Variants in C9 observed in about 807,000 individuals in gnomAD.
C9 encodes the protein complement C9.
C9 carries 63 observed loss-of-function variants against 65.4 expected under a neutral mutation model. That is an observed-to-expected ratio of 0.96 (90% CI 0.79 to 1.19). The LOEUF is 1.19. Among genes scored for constraint, C9 ranks in the 50% most tolerant of loss-of-function variants. The pLI is 0.00. For missense variants in C9, 744 were observed against 670.1 expected (o/e 1.11, Z -1.22); for synonymous variants, 229 against 227.9 (o/e 1.00, Z -0.04).
In C9 at chr5:39,311,584, T is replaced by G. The variant is rs186110753; in HGVS notation, c.871-207A>C. On this transcript the variant is annotated intron_variant, in intron 6 of 10. Transcript: ENST00000263408. ...GTGCAGTGACTAAAACTCTCCTACA[T>G]TACTGGTAAAATTAGACAGCCACTT... Among the ~76,000 whole-genome samples the G allele has an allele frequency of 6.0e-3, 918 of 152,106 alleles. 9 individuals are homozygous for G. Among genetic ancestry groups the G allele is most frequent in the African/African-American group, 0.021 (876 of 41,560 alleles).
intron 1 of C9, among the ~76,000 whole-genome samples, chr5:39,347,372 C>A (rs1333329878): frequency 6.6e-6 from 1 of 152,128 alleles, no homozygotes; most frequent in Non-Finnish European, 1.5e-5. Context: ...TTCTTACACA[C>A]CAATAACAGA....
intron 9 of C9, among the ~76,000 whole-genome samples, chr5:39,305,031 G>A (rs1263798357): frequency 6.6e-6 from 1 of 152,092 alleles, no homozygotes; most frequent in African/African-American, 2.4e-5. Context: ...TTGTAGAGAT[G>A]AGAAAATAAG....
At chr5:39,351,299 G>A (rs1015185461) in intron 1 of C9, among the ~76,000 whole-genome samples, 4 of 152,162 alleles carry the variant, frequency 2.6e-5, no homozygotes, top group Non-Finnish European at 5.9e-5. Flanking sequence ...TACCACAAAG[G>A]TCTCTGAAAT....
chr5:39,343,074 C>T (rs1479194335), intron 1 of C9, among the ~76,000 whole-genome samples: 1 of 152,160 alleles, frequency 6.6e-6, no homozygotes, highest in African/African-American at 2.4e-5. Flanking sequence ...TGAACAGGAA[C>T]AGCTCGTTTA....
At chr5:39,362,281 A>C (rs1754535368) in intron 1 of C9, among the ~76,000 whole-genome samples, 1 of 152,202 alleles carries the variant, frequency 6.6e-6, no homozygotes, top group African/African-American at 2.4e-5. Flanking sequence ...GGTGGGCCCT[A>C]ATCCAATATG....
At chr5:39,323,673 G>A (rs1009396024) in intron 5 of C9, among the ~76,000 whole-genome samples, 1 of 151,404 alleles carries the variant, frequency 6.6e-6, no homozygotes, top group Non-Finnish European at 1.5e-5. Flanking sequence ...AATGTATCTC[G>A]ACATAATAAA....
chr5:39,285,388 C>A lies in C9; in HGVS notation c.1646-155G>T, dbSNP rs1369335722. ...ATAGAATGTGGTGTAAGGTACAAGGCACATTTTCATACCAGAAAGGGCTAT... is the reference window on the plus strand; with the variant it reads ...ATAGAATGTGGTGTAAGGTACAAGGAACATTTTCATACCAGAAAGGGCTAT... On this transcript the variant is annotated intron_variant, in intron 10 of 10. Transcript: ENST00000263408. Among the ~76,000 whole-genome samples, 3 of 152,082 alleles carry A rather than the reference C, an allele frequency of 2.0e-5. No individual in the cohort carries two copies. In the East Asian group the frequency reaches 5.8e-4, roughly 29 times the overall value.
chr5:39,328,244 T>C (rs1400013782), intron 5 of C9, among the ~76,000 whole-genome samples: 1 of 152,226 alleles, frequency 6.6e-6, no homozygotes, highest in Non-Finnish European at 1.5e-5. Flanking sequence ...TGAAAGCTCC[T>C]GCCTATGACT....
chr5:39,294,743 C>G (rs1011211566), intron 9 of C9, among the ~76,000 whole-genome samples: 12 of 151,676 alleles, frequency 7.9e-5, no homozygotes, highest in African/African-American at 2.7e-4. Flanking sequence ...GATATCAAAA[C>G]CAGACAAGGA....
chr5:39,323,857 G>A (rs998224970), intron 5 of C9, among the ~76,000 whole-genome samples: 1 of 151,858 alleles, frequency 6.6e-6, no homozygotes, highest in African/African-American at 2.4e-5. Flanking sequence ...AACTCAGAAA[G>A]GAAGAAGTAA....
At chr5:39,289,006 A>T in intron 9 of C9, 55 bp from the exon 10 acceptor site, 1 of 922,580 alleles carries the variant, frequency 1.1e-6, no homozygotes. Flanking sequence ...GAGAACTTGT[A>T]GAATACACTT....
At chr5:39,349,826 T>C (rs1035123281) in intron 1 of C9, among the ~76,000 whole-genome samples, 1 of 152,222 alleles carries the variant, frequency 6.6e-6, no homozygotes, top group Non-Finnish European at 1.5e-5. Flanking sequence ...CTCTGCCTGG[T>C]ACTCCTACTC....
At chr5:39,316,866 A>G (rs1753577950) in intron 5 of C9, among the ~76,000 whole-genome samples, 1 of 152,168 alleles carries the variant, frequency 6.6e-6, no homozygotes, top group African/African-American at 2.4e-5. Flanking sequence ...TATACTCAGT[A>G]TTGGGATTGC....
At chr5:39,303,485 G>C (rs113658241) in intron 9 of C9, among the ~76,000 whole-genome samples, 13,398 of 149,642 alleles carry the variant, frequency 0.09, 634 homozygotes, top group Non-Finnish European at 0.11. Context: ...ATATATAACT[G>C]TATTTATAGA....
chr5:39,364,255 C>T (rs988552443), intron 1 of C9, 133 bp downstream of exon 1: 5 of 668,970 alleles, frequency 7.5e-6, no homozygotes, highest in African/African-American at 5.3e-5. Flanking sequence ...TATCTCTTTT[C>T]GAAGTTTAGA....
At position 39,315,859 on chromosome 5, in the gene C9, A is replaced by T. The variant is rs1242642810; in HGVS notation, c.786T>A (p.Ile262=). The change falls in exon 6 of 11, where the codon ATT becomes ATA. Residue 262 remains isoleucine, a synonymous_variant. Coordinates refer to ENST00000263408, the MANE Select transcript of C9 (RefSeq NM_001737.5). ...GAAAACTACCCTTGCCATGTAAAGA[A>T]ATTGAGGAGGCTGTTTCCTCACAAC... ...EQCCEETASS[I]SLHGKGSFRF... is the part of the protein sequence containing the mutation. The T allele has an allele frequency of 2.5e-6, 4 of 1,612,616 alleles. No individual in the cohort carries two copies. The highest frequency in any genetic ancestry group is 1.3e-5 in the African/African-American group (1 of 74,892).
At chr5:39,346,613 T>G (rs1754199442) in intron 1 of C9, among the ~76,000 whole-genome samples, 1 of 152,210 alleles carries the variant, frequency 6.6e-6, no homozygotes, top group African/African-American at 2.4e-5. Flanking sequence ...CTGCTACCAC[T>G]CTTTCTGAAA....
At chr5:39,332,056 T>C (rs1753850900) in intron 4 of C9, among the ~76,000 whole-genome samples, 1 of 152,178 alleles carries the variant, frequency 6.6e-6, no homozygotes, top group Non-Finnish European at 1.5e-5. Context: ...TAGAGTGCAA[T>C]GAAAGAAATG....
At chr5:39,312,232 T>G (rs1010159332) in intron 6 of C9, among the ~76,000 whole-genome samples, 1 of 152,188 alleles carries the variant, frequency 6.6e-6, no homozygotes, top group Non-Finnish European at 1.5e-5. Flanking sequence ...AGATGGCTAC[T>G]CTAATGTACA....
Sources: allele counts gnomAD v4.1 joint callset (sites outside exome capture counted in the v4.1 genomes callset), GRCh38; gene constraint gnomAD v4.1.1; transcripts MANE v1.5; gene names NCBI Gene and HGNC (gene_info 2026-07-23, HGNC 2026-07-21).